RAI1: variants seen among roughly 807,000 people sequenced by gnomAD.
RAI1 encodes retinoic acid induced 1.
Under a neutral mutation model 123.8 loss-of-function variants are expected in RAI1, and 9 were observed. That is an observed-to-expected ratio of 0.07 (90% CI 0.04 to 0.13). The LOEUF is 0.13. Among genes scored for constraint, RAI1 ranks in the 10% least tolerant of loss-of-function variants. The pLI is 1.00. For synonymous variants in RAI1, 1,231 were observed against 1,127.3 expected, an observed-to-expected ratio of 1.09 and a Z score of -1.84; for missense variants, 2,256 against 2,545.8, an observed-to-expected ratio of 0.89 and a Z score of 2.45.
Position 17,700,221 on chromosome 17 carries a change from C to T in RAI1, c.-149+18428C>T, listed in dbSNP as rs569773716. Among the ~76,000 whole-genome samples, 6 of 152,336 alleles carry T rather than the reference C, an allele frequency of 3.9e-5. No homozygotes were observed. In the East Asian group the frequency reaches 1.2e-3, roughly 29 times the overall value. On this transcript the variant is annotated intron_variant, in intron 1 of 5. Coordinates refer to ENST00000353383, the MANE Select transcript of RAI1 (RefSeq NM_030665.4). ...TCTAGGTTGGGCCTCCTCCCTCGTC[C>T]TTCAAAGACCTATTCTTGGGGCCTG...
chr17:17,728,130 A>C (rs1280406008), intron 2 of RAI1, among the ~76,000 whole-genome samples: 1 of 151,566 alleles, frequency 6.6e-6, no homozygotes, highest in Non-Finnish European at 1.5e-5. Context: ...GGGGGAAGGG[A>C]GGGTGCCCCC....
chr17:17,737,338 G>A (rs80219295), intron 2 of RAI1, among the ~76,000 whole-genome samples: 256 of 152,252 alleles, frequency 1.7e-3, no homozygotes, highest in African/African-American at 6.0e-3. Flanking sequence ...ATGGCCCGAG[G>A]GAGGGTCTTG....
At chr17:17,779,483 G>C (rs201474054) in intron 2 of RAI1, 1 of 157,194 alleles carries the variant, frequency 6.4e-6, no homozygotes, top group African/African-American at 2.4e-5. Flanking sequence ...GTCTGTTGTC[G>C]GGGAGGGGGA....
intron 2 of RAI1, among the ~76,000 whole-genome samples, chr17:17,767,613 A>T (rs1291378275): frequency 6.6e-6 from 1 of 152,176 alleles, no homozygotes; most frequent in East Asian, 1.9e-4. Flanking sequence ...GGTCAGAAAA[A>T]AAATGTCTTT....
At chr17:17,692,533 G>A (rs180867181) in intron 1 of RAI1, among the ~76,000 whole-genome samples, 5 of 152,338 alleles carry the variant, frequency 3.3e-5, no homozygotes, top group Admixed American at 1.3e-4. Context: ...GGCAGAGCTA[G>A]GATTAGAAAT....
chr17:17,790,264 A>G (rs112331986), intron 2 of RAI1, among the ~76,000 whole-genome samples: 87 of 152,330 alleles, frequency 5.7e-4, no homozygotes, highest in Middle Eastern at 6.8e-3. Context: ...CCTGGCTGGC[A>G]CTGAGAGGCG....
At chr17:17,764,926 T>C in intron 2 of RAI1, among the ~76,000 whole-genome samples, 1 of 152,264 alleles carries the variant, frequency 6.6e-6, no homozygotes, top group East Asian at 1.9e-4. Flanking sequence ...CTATCTGTGC[T>C]GTGTGTGGCA....
At chr17:17,770,533 G>A (rs1326186328) in intron 2 of RAI1, among the ~76,000 whole-genome samples, 4 of 152,056 alleles carry the variant, frequency 2.6e-5, no homozygotes, top group African/African-American at 4.8e-5. Context: ...CTCACGCCCC[G>A]GCTGAGGCCC....
At chr17:17,788,271 G>A (rs879289184) in intron 2 of RAI1, among the ~76,000 whole-genome samples, 12 of 152,082 alleles carry the variant, frequency 7.9e-5, no homozygotes, top group East Asian at 1.9e-4. Flanking sequence ...CTCTCAGCCC[G>A]TGGACCCTAA....
intron 4 of RAI1, among the ~76,000 whole-genome samples, chr17:17,806,057 A>G (rs575696534): frequency 1.3e-5 from 2 of 152,346 alleles, no homozygotes; most frequent in South Asian, 4.1e-4. Flanking sequence ...CAGCCCCCCA[A>G]GGGGCTCACC....
chr17:17,760,406 G>A (rs1468686915), intron 2 of RAI1, among the ~76,000 whole-genome samples: 5 of 152,122 alleles, frequency 3.3e-5, no homozygotes, highest in African/African-American at 1.2e-4. Context: ...TGGCATCAGG[G>A]TCAAGGTCAC....
chr17:17,741,682 G>A (rs2142970010), intron 2 of RAI1, among the ~76,000 whole-genome samples: 1 of 152,336 alleles, frequency 6.6e-6, no homozygotes, highest in Non-Finnish European at 1.5e-5. Context: ...GCTTAGCAGA[G>A]GCCACAGGCA....
At chr17:17,701,228 G>A (rs574430776) in intron 1 of RAI1, among the ~76,000 whole-genome samples, 28 of 152,316 alleles carry the variant, frequency 1.8e-4, no homozygotes, top group African/African-American at 4.6e-4. Flanking sequence ...ACTGAGGCCA[G>A]TCTGCCTGAC....
At chr17:17,772,919 G>A (rs746613680) in intron 2 of RAI1, among the ~76,000 whole-genome samples, 1 of 152,188 alleles carries the variant, frequency 6.6e-6, no homozygotes, top group Non-Finnish European at 1.5e-5. Context: ...AGGTGGGTAT[G>A]TGTGCATGGA....
intron 1 of RAI1, among the ~76,000 whole-genome samples, chr17:17,710,904 G>C (rs1018831977): frequency 2.0e-5 from 3 of 152,216 alleles, no homozygotes; most frequent in Non-Finnish European, 2.9e-5. Flanking sequence ...GTACTCCAGA[G>C]CTCTCCTGAG....
intron 2 of RAI1, among the ~76,000 whole-genome samples, chr17:17,773,543 C>T (rs73295695): frequency 0.025 from 3,771 of 152,294 alleles, 152 homozygotes; most frequent in African/African-American, 0.086. Context: ...GCCTTAATGG[C>T]ACATCTATAA....
intron 1 of RAI1, among the ~76,000 whole-genome samples, chr17:17,689,747 A>C (rs539009409): frequency 6.6e-6 from 1 of 152,330 alleles, no homozygotes; most frequent in Admixed American, 6.5e-5. Flanking sequence ...AACTGATAGA[A>C]TCTACCTCAT....
At chr17:17,785,794 GCTT>G (rs2031807027) in intron 2 of RAI1, among the ~76,000 whole-genome samples, 1 of 152,162 alleles carries the variant, frequency 6.6e-6, no homozygotes, top group African/African-American at 2.4e-5. Flanking sequence ...TGGTCCCAGA[GCTT>G]CTGCTGGGCC....
At chr17:17,756,258 T>C (rs1474217741) in intron 2 of RAI1, among the ~76,000 whole-genome samples, 1 of 151,470 alleles carries the variant, frequency 6.6e-6, no homozygotes, top group Non-Finnish European at 1.5e-5. Context: ...AGTGCAATGG[T>C]GTGATCTCGG....
Sources: gnomAD v4.1 joint callset for allele counts (sites outside exome capture counted in the v4.1 genomes callset) on GRCh38, gnomAD v4.1.1 for gene constraint, MANE v1.5 for transcripts, NCBI Gene and HGNC (gene_info 2026-07-23, HGNC 2026-07-21) for gene names.